Variants in ARID4B observed in about 807,000 individuals in gnomAD.
The protein encoded by ARID4B is AT-rich interaction domain 4B.
ARID4B carries 26 observed loss-of-function variants against 147.5 expected under a neutral mutation model. That is an observed-to-expected ratio of 0.18 (90% CI 0.13 to 0.24). ARID4B has a LOEUF of 0.24. Among genes scored for constraint, ARID4B ranks in the 10% least tolerant of loss-of-function variants. The pLI, the probability that ARID4B is intolerant of heterozygous loss-of-function variation, is 1.00. For synonymous variants in ARID4B, 512 were observed against 507.9 expected (o/e 1.01, Z -0.11); for missense variants, 1,179 against 1,511.5 (o/e 0.78, Z 3.65).
intron 17 of ARID4B, among the ~76,000 whole-genome samples, chr1:235,211,732 G>C (rs935298884): frequency 6.6e-6 from 1 of 152,044 alleles, no homozygotes; most frequent in African/African-American, 2.4e-5. Context: ...ACCACACCCA[G>C]CTTTTTTCTT....
At chr1:235,222,785 C>A (rs964368434) in intron 13 of ARID4B, among the ~76,000 whole-genome samples, 1 of 150,092 alleles carries the variant, frequency 6.7e-6, no homozygotes, top group African/African-American at 2.5e-5. Flanking sequence ...TGGGTTCAAG[C>A]GATTCTCGTG....
chr1:235,230,186 C>T (rs1202391131), intron 10 of ARID4B, among the ~76,000 whole-genome samples: 5 of 152,066 alleles, frequency 3.3e-5, no homozygotes, highest in African/African-American at 1.2e-4. Flanking sequence ...GAGGCCAAGG[C>T]GGGTGGACTG....
At chr1:235,249,336 AAAAT>A (rs1004322880) in intron 6 of ARID4B, among the ~76,000 whole-genome samples, 1 of 152,156 alleles carries the variant, frequency 6.6e-6, no homozygotes, top group South Asian at 2.1e-4. Context: ...CTGTCTCAAA[AAAAT>A]AAATAAATAA....
intron 20 of ARID4B, among the ~76,000 whole-genome samples, chr1:235,179,618 G>T (rs1418755525): frequency 1.3e-5 from 2 of 149,520 alleles, no homozygotes; most frequent in Non-Finnish European, 3.0e-5. Context: ...TTTAGGAGTA[G>T]CTTTCAAATT....
At chr1:235,218,280 T>G (rs1667225510) in intron 16 of ARID4B, among the ~76,000 whole-genome samples, 1 of 152,168 alleles carries the variant, frequency 6.6e-6, no homozygotes, top group Admixed American at 6.5e-5. Flanking sequence ...TAAAAATCCA[T>G]ATAATTATAC....
chr1:235,252,818 G>T lies in ARID4B; in HGVS notation c.275-9C>A. The T allele has an allele frequency of 6.2e-7, 1 of 1,603,412 alleles. No homozygotes were observed. The highest frequency in any genetic ancestry group is 1.7e-5 in the Admixed American group (1 of 58,350). On this transcript the variant is annotated splice_polypyrimidine_tract_variant and intron_variant, in intron 5 of 23. Transcript: ENST00000264183. ...ATCTCCGTCATCAAAAACTATGAGA[G>T]GGGGTAAAAATGGAAGCTACTGAAG...
chr1:235,317,144 T>A (rs1674495817), intron 2 of ARID4B, among the ~76,000 whole-genome samples: 1 of 152,208 alleles, frequency 6.6e-6, no homozygotes, highest in South Asian at 2.1e-4. Context: ...CTGCAATGAT[T>A]TAAGCAAAAA....
Position 235,179,525 on chromosome 1 carries a change from CAAAA to C in ARID4B, c.3335-1616_3335-1613del, listed in dbSNP as rs61143006. ...GCAACAAGAGCAAAACTCTATGTCT[CAAAA>C]AAAAAAAAAAAAAAAAAAAAAAAAC... is the stretch of plus-strand genomic sequence containing the variant. On this transcript the variant is annotated intron_variant, in intron 20 of 23. Transcript: ENST00000264183. 7.0e-4 allele frequency among the ~76,000 whole-genome samples: 34 copies of C among 48,368 alleles called. No individual in the cohort carries two copies. In the East Asian group the frequency reaches 0.033, roughly 47 times the overall value. 31.7% of individuals were successfully genotyped at this position (48,368 alleles called of 152,430 possible).
intron 2 of ARID4B, among the ~76,000 whole-genome samples, chr1:235,314,048 T>C (rs748771160): frequency 2.6e-5 from 4 of 152,362 alleles, no homozygotes; most frequent in South Asian, 2.1e-4. Flanking sequence ...GAACTTACTA[T>C]GTAGTAAATC....
chr1:235,310,988 T>A (rs774525789), intron 2 of ARID4B, among the ~76,000 whole-genome samples: 2 of 152,120 alleles, frequency 1.3e-5, no homozygotes, highest in Non-Finnish European at 2.9e-5. Context: ...TTAACCTGTC[T>A]AATCAATGCT....
chr1:235,319,903 T>C (rs937842338), intron 2 of ARID4B, among the ~76,000 whole-genome samples: 1 of 150,354 alleles, frequency 6.7e-6, no homozygotes, highest in Non-Finnish European at 1.5e-5. Context: ...CCGAGGCAGG[T>C]GGATAACAAG....
chr1:235,208,221 AAC>A (rs1405208476), intron 17 of ARID4B, among the ~76,000 whole-genome samples: 3 of 152,238 alleles, frequency 2.0e-5, no homozygotes, highest in African/African-American at 7.2e-5. Flanking sequence ...AAAGAAATCC[AAC>A]ACACTCAACT....
chr1:235,220,627 C>G, intron 14 of ARID4B, 82 bp from the exon 15 acceptor site: 1 of 1,101,484 alleles, frequency 9.1e-7, no homozygotes, highest in South Asian at 2.1e-5. Context: ...GTATTCATTT[C>G]TTTTGTCTAA....
rs184711390 is a variant in ARID4B, at chr1:235,295,374, G to A, written c.6+31540C>T. The stretch of plus-strand genomic sequence containing the variant: ...ATAATACAAAAATTAGCCAGGCATG[G>A]TGGCACGTGCCTGTAATCCCAGCTA... On this transcript the variant is annotated intron_variant, in intron 2 of 23. Coordinates refer to ENST00000264183, the MANE Select transcript of ARID4B (RefSeq NM_016374.6). 1.3e-3 allele frequency among the ~76,000 whole-genome samples: 194 copies of A among 152,244 alleles called. 1 individual carries two copies. Among genetic ancestry groups the A allele is most frequent in the African/African-American group, 4.6e-3 (190 of 41,548 alleles).
At position 235,257,211 on chromosome 1, in the gene ARID4B, A is replaced by G. The variant is rs377644603; in HGVS notation, c.132T>C (p.His44=). 4 of 1,612,376 alleles carry G rather than the reference A, an allele frequency of 2.5e-6. No homozygotes were observed. Among genetic ancestry groups the G allele is most frequent in the Non-Finnish European group, 3.4e-6 (4 of 1,178,556 alleles). Residue 44 remains histidine (H), a synonymous_variant, in exon 4 of 24, where the codon CAT becomes CAC. Transcript: ENST00000264183. ...RLVKVKVTFR[H]DSSTVEVQDD... ...CCTGAACTTCCACTGTTGAAGAATCATGTCTAAATGTCACCTAGAGATTAT... is the reference window on the plus strand; with the variant it reads ...CCTGAACTTCCACTGTTGAAGAATCGTGTCTAAATGTCACCTAGAGATTAT...
At chr1:235,322,695 G>A (rs1422568341) in intron 2 of ARID4B, among the ~76,000 whole-genome samples, 1 of 152,136 alleles carries the variant, frequency 6.6e-6, no homozygotes, top group Non-Finnish European at 1.5e-5. Context: ...TACACTGTGG[G>A]CTCCCTGAAA....
chr1:235,200,089 C>A (rs1665786564), intron 17 of ARID4B, among the ~76,000 whole-genome samples: 1 of 151,772 alleles, frequency 6.6e-6, no homozygotes, highest in South Asian at 2.1e-4. Context: ...GAGGCCCAGA[C>A]AGGCAGATCA....
chr1:235,253,763 T>C (rs1174079375), intron 5 of ARID4B, among the ~76,000 whole-genome samples: 1 of 152,188 alleles, frequency 6.6e-6, no homozygotes, highest in Non-Finnish European at 1.5e-5. Flanking sequence ...CTACATTCCT[T>C]AGAAATCATG....
At chr1:235,235,320 G>C (rs1395119776) in intron 8 of ARID4B, among the ~76,000 whole-genome samples, 2 of 152,136 alleles carry the variant, frequency 1.3e-5, no homozygotes, top group Non-Finnish European at 2.9e-5. Flanking sequence ...GAAAAATCAG[G>C]TCTGGAGCAA....
Sources: allele counts gnomAD v4.1 joint callset (sites outside exome capture counted in the v4.1 genomes callset), GRCh38; gene constraint gnomAD v4.1.1; transcripts MANE v1.5; gene names NCBI Gene and HGNC (gene_info 2026-07-23, HGNC 2026-07-21).